Variants in CEP290 observed in about 807,000 individuals in gnomAD.
CEP290 encodes centrosomal protein 290, also known as centrosomal protein of 290 kDa.
A neutral mutation model predicts 344.9 loss-of-function variants in CEP290; 317 were observed. The observed-to-expected ratio is 0.92, with a 90% confidence interval of 0.84 to 1.01. The LOEUF is 1.01. CEP290 is among the 50% of genes least tolerant of loss of function. CEP290 has a pLI of 0.00. For missense variants in CEP290, 2,754 were observed against 2,761.4 expected, an observed-to-expected ratio of 1.00 and a Z score of 0.06; for synonymous variants, 932 against 895.8, an observed-to-expected ratio of 1.04 and a Z score of -0.72.
At chr12:88,066,175 G>GA (rs1410726464) in intron 44 of CEP290, among the ~76,000 whole-genome samples, 2 of 152,012 alleles carry the variant, frequency 1.3e-5, no homozygotes, top group African/African-American at 2.4e-5. Context: ...ACAGTATAAA[G>GA]AAAAAAACGA....
intron 30 of CEP290, among the ~76,000 whole-genome samples, chr12:88,090,046 C>T (rs2036908129): frequency 6.6e-6 from 1 of 151,912 alleles, no homozygotes; most frequent in South Asian, 2.1e-4. Flanking sequence ...TTTTTAACCT[C>T]CATTGCAAGT....
intron 42 of CEP290, 102 bp downstream of exon 42, chr12:88,071,679 C>A (rs915668541): frequency 7.2e-6 from 7 of 972,904 alleles, no homozygotes; most frequent in Non-Finnish European, 1.0e-5. Context: ...ATCATTTAAA[C>A]TAGACCATTT....
intron 6 of CEP290, among the ~76,000 whole-genome samples, chr12:88,134,797 A>G (rs1289778797): frequency 1.3e-5 from 2 of 152,206 alleles, no homozygotes; most frequent in Non-Finnish European, 2.9e-5. Flanking sequence ...ATTTTCACTT[A>G]TATTTCAGTC....
At position 88,049,250 on chromosome 12, in the gene CEP290, G is replaced by A; in HGVS notation, c.7374C>T (p.Ser2458=). Residue 2458 remains serine (S), a synonymous_variant, in exon 54 of 54, where the codon AGC becomes AGT. Coordinates refer to ENST00000552810, the MANE Select transcript of CEP290 (RefSeq NM_025114.4). ...CAAACTCTTCAGAAGCAGCAACAGG[G>A]CTAGTTAATTCAACTCCCAATTGTT... is the stretch of plus-strand genomic sequence containing the variant. ...LSEQLGVELT[S]PVAASEEFED... The A allele has an allele frequency of 6.2e-7, 1 of 1,609,384 alleles. No individual in the cohort carries two copies. The highest frequency in any genetic ancestry group is 1.3e-5 in the African/African-American group (1 of 74,860).
chr12:88,108,017 T>C (rs563423890), intron 23 of CEP290, among the ~76,000 whole-genome samples: 2 of 151,996 alleles, frequency 1.3e-5, no homozygotes, highest in East Asian at 3.9e-4. Flanking sequence ...TATATACATA[T>C]ATAGAACACC....
intron 12 of CEP290, among the ~76,000 whole-genome samples, chr12:88,125,747 T>G (rs900637350): frequency 2.0e-5 from 3 of 152,210 alleles, no homozygotes; most frequent in Non-Finnish European, 4.4e-5. Flanking sequence ...CTTTTTCCCC[T>G]TTCGTACTTT....
intron 47 of CEP290, among the ~76,000 whole-genome samples, chr12:88,060,615 G>A (rs2034403572): frequency 6.6e-6 from 1 of 151,996 alleles, no homozygotes; most frequent in Non-Finnish European, 1.5e-5. Context: ...AGAGAGAAAA[G>A]TGAAAAGTAT....
intron 6 of CEP290, among the ~76,000 whole-genome samples, chr12:88,134,136 T>C (rs559667599): frequency 6.8e-4 from 104 of 152,256 alleles, no homozygotes; most frequent in Non-Finnish European, 1.2e-3. Context: ...CAGAAGAACC[T>C]CAAACTCAAC....
At chr12:88,118,274 ATTTTG>A (rs1268966311) in intron 17 of CEP290, among the ~76,000 whole-genome samples, 3 of 151,992 alleles carry the variant, frequency 2.0e-5, no homozygotes, top group East Asian at 3.9e-4. Flanking sequence ...GGTTTTTGTT[ATTTTG>A]TTTTGTTTTG....
chr12:88,115,209 G>T, intron 18 of CEP290, 27 bp from the exon 19 acceptor site: 3 of 1,200,430 alleles, frequency 2.5e-6, no homozygotes, highest in South Asian at 1.4e-5. Context: ...GAATAAAATT[G>T]ATTTTTTTCA....
At chr12:88,082,467 CG>C (rs2036265516) in intron 37 of CEP290, among the ~76,000 whole-genome samples, 1 of 152,000 alleles carries the variant, frequency 6.6e-6, no homozygotes, top group Non-Finnish European at 1.5e-5. Flanking sequence ...CCGAAGTGGG[CG>C]GATCACTTGA....
chr12:88,129,785 G>A lies in CEP290; in HGVS notation c.761C>T (p.Thr254Ile). The A allele has an allele frequency of 6.7e-7, 1 of 1,481,520 alleles. No homozygotes were observed. The highest frequency in any genetic ancestry group is 9.0e-7 in the Non-Finnish European group (1 of 1,108,700). The allele number at this position is 1,481,520 out of a possible 1,614,324, so 91.8% of individuals were successfully genotyped here. A position where few individuals can be genotyped will look rare whatever the true frequency, so the allele number is the denominator to read the frequency against. The stretch of plus-strand genomic sequence containing the variant: ...AGCTTTCATTCTATTATATTCATCA[G>A]TCATCTTCTCCATTTCCTGTACAGA... ...EESVQEMEKM[T>I]DEYNRMKAIV... The change falls in exon 10 of 54, where the codon ACT becomes ATT. Residue 254 changes from threonine to isoleucine, a missense_variant. Coordinates refer to ENST00000552810, the MANE Select transcript of CEP290 (RefSeq NM_025114.4).
chr12:88,058,142 C>G (rs1189596124), intron 49 of CEP290: 1 of 152,198 alleles, frequency 6.6e-6, no homozygotes, highest in African/African-American at 2.4e-5. Context: ...CACAAAGAGC[C>G]TTTTACCTAC....
chr12:88,072,980 G>A (rs1343017154), intron 41 of CEP290, among the ~76,000 whole-genome samples: 1 of 152,076 alleles, frequency 6.6e-6, no homozygotes, highest in African/African-American at 2.4e-5. Context: ...GCATTTCAGG[G>A]GTAGGTGTCA....
At chr12:88,050,470 T>C (rs2033390424) in intron 52 of CEP290, 37 bp from the exon 53 acceptor site, 1 of 1,004,556 alleles carries the variant, frequency 1.0e-6, no homozygotes, top group South Asian at 1.4e-5. Context: ...CTCAGCTTTT[T>C]CCCACTACGA....
chr12:88,135,437 AAT>A (rs1369381068), intron 6 of CEP290, among the ~76,000 whole-genome samples: 1 of 152,168 alleles, frequency 6.6e-6, no homozygotes, highest in Non-Finnish European at 1.5e-5. Flanking sequence ...CCCCCTAAGC[AAT>A]TCTACCAGTG....
intron 23 of CEP290, among the ~76,000 whole-genome samples, chr12:88,108,538 C>T (rs1374340701): frequency 6.6e-6 from 1 of 151,888 alleles, no homozygotes; most frequent in African/African-American, 2.4e-5. Flanking sequence ...ATTCTAATTC[C>T]TATTAAGGAA....
At chr12:88,110,315 C>T (rs1051111713) in intron 22 of CEP290, among the ~76,000 whole-genome samples, 1 of 151,876 alleles carries the variant, frequency 6.6e-6, no homozygotes, top group African/African-American at 2.4e-5. Context: ...ACTGAGAAAC[C>T]CAGGGCAGGT....
rs568583296 is a variant in CEP290 at position 88,081,209 on chromosome 12, C to T, written c.5013-814G>A. On this transcript the variant is annotated intron_variant, in intron 37 of 53. Transcript: ENST00000552810. ...GACAATCAAAAATGTCTCCAGACAT[C>T]GCCAAATGTCCCCAAGAGGGACAAT... Among the ~76,000 whole-genome samples, 16 of 152,208 alleles carry T rather than the reference C, an allele frequency of 1.1e-4. No individual in the cohort carries two copies. In the East Asian group the frequency reaches 2.7e-3, roughly 26 times the overall value.
Sources: allele counts gnomAD v4.1 joint callset (sites outside exome capture counted in the v4.1 genomes callset), GRCh38; gene constraint gnomAD v4.1.1; transcripts MANE v1.5; gene names NCBI Gene and HGNC (gene_info 2026-07-23, HGNC 2026-07-21).